The following GRK5 variants were observed in gnomAD, a reference collection of about 807,000 sequenced individuals.
GRK5 encodes G protein-coupled receptor kinase 5.
Under a neutral mutation model 78.4 loss-of-function variants are expected in GRK5, and 40 were observed. That is an observed-to-expected ratio of 0.51 (90% confidence interval 0.40 to 0.66). The LOEUF (loss-of-function observed/expected upper bound fraction) is 0.66, where lower values mean the gene tolerates loss of function less well. Among genes scored for constraint, GRK5 ranks in the 30% least tolerant of loss-of-function variants. The pLI is 0.00. For synonymous variants in GRK5, 289 were observed against 296.8 expected, an observed-to-expected ratio of 0.97 and a Z score of 0.27; for missense variants, 598 against 759.9, an observed-to-expected ratio of 0.79 and a Z score of 2.50.
intron 1 of GRK5, among the ~76,000 whole-genome samples, chr10:119,312,877 C>G (rs1191711422): frequency 8.8e-5 from 1 of 11,368 alleles, no homozygotes; most frequent in Admixed American, 1.1e-3. Context: ...TGTCCCTTGC[C>G]AGCTCTGTGT....
chr10:119,394,304 G>A (rs1160650700), intron 3 of GRK5, among the ~76,000 whole-genome samples: 50 of 4,084 alleles, frequency 0.012, no homozygotes, highest in Non-Finnish European at 0.026. Context: ...CTGTGTGTCT[G>A]TGTGGGCACG....
chr10:119,293,762 G>A lies in GRK5; in HGVS notation c.53-32754G>A, dbSNP rs556548997. Among the ~76,000 whole-genome samples, 10 of 152,134 alleles carry A rather than the reference G, an allele frequency of 6.6e-5. No homozygotes were observed. The East Asian group carries it at 1.9e-3, about 29-fold the overall frequency. On this transcript the variant is annotated intron_variant, in intron 1 of 15. Coordinates refer to ENST00000392870, the MANE Select transcript of GRK5 (RefSeq NM_005308.3). ...GCCCCGAGGCAGCAGTCAGTGCCAG[G>A]GTGGGGCTGGGTGGGTGCTGCCATC...
intron 1 of GRK5, among the ~76,000 whole-genome samples, chr10:119,305,344 G>A (rs1850257274): frequency 6.6e-6 from 1 of 152,198 alleles, no homozygotes; most frequent in Non-Finnish European, 1.5e-5. Flanking sequence ...CTTCTGGGGT[G>A]ACACCTCTGC....
chr10:119,227,160 T>C (rs547756920), intron 1 of GRK5, among the ~76,000 whole-genome samples: 2 of 152,306 alleles, frequency 1.3e-5, no homozygotes, highest in African/African-American at 4.8e-5. Flanking sequence ...CTGGCCTGCC[T>C]CTCTGTATCT....
Position 119,452,542 on chromosome 10 carries a change from T to A in GRK5, c.1405-129T>A. 9.2e-7 allele frequency: 1 copy of A among 1,084,252 alleles called. No individual in the cohort carries two copies. The highest frequency in any genetic ancestry group is 1.3e-6 in the Non-Finnish European group (1 of 758,980). The allele number at this position is 1,084,252 out of a possible 1,614,324, so 67.2% of individuals were successfully genotyped here. A position where few individuals can be genotyped will look rare whatever the true frequency, so the allele number is the denominator to read the frequency against. Reference sequence around the variant, plus strand: ...TCTGAGCCACACACCCTCCAGCCACTACCCATAGCAGTTCTGGGGGTGTGT... The same window carrying A: ...TCTGAGCCACACACCCTCCAGCCACAACCCATAGCAGTTCTGGGGGTGTGT... On this transcript the variant is annotated intron_variant, in intron 13 of 15. Transcript: ENST00000392870. The surrounding 1 kb of genome is among the most constrained non-coding windows in gnomAD (Gnocchi z 4.4).
intron 1 of GRK5, among the ~76,000 whole-genome samples, chr10:119,232,554 C>G (rs980210676): frequency 6.6e-6 from 1 of 152,118 alleles, no homozygotes; most frequent in Admixed American, 6.6e-5. Flanking sequence ...TGGGAGGGGC[C>G]CGTGGGAGGT....
At chr10:119,233,207 T>C (rs759985491) in intron 1 of GRK5, among the ~76,000 whole-genome samples, 6 of 152,188 alleles carry the variant, frequency 3.9e-5, no homozygotes, top group Non-Finnish European at 8.8e-5. Flanking sequence ...CCCCCTCTTC[T>C]TCTGGCAACA....
At chr10:119,383,146 C>T (rs1347511441) in intron 3 of GRK5, among the ~76,000 whole-genome samples, 1 of 152,206 alleles carries the variant, frequency 6.6e-6, no homozygotes, top group African/African-American at 2.4e-5. Flanking sequence ...TGGTCTCGAT[C>T]TCCTGACCTC....
intron 1 of GRK5, among the ~76,000 whole-genome samples, chr10:119,289,749 T>C (rs1375526575): frequency 6.6e-6 from 1 of 152,256 alleles, no homozygotes; most frequent in Non-Finnish European, 1.5e-5. Flanking sequence ...CCGGCTGAGC[T>C]ACCTCTGATC....
In GRK5 at chr10:119,266,120, A is replaced by G. The variant is rs117240916; in HGVS notation, c.52+58151A>G. On this transcript the variant is annotated intron_variant, in intron 1 of 15. Transcript: ENST00000392870. ...TGGGGAGTTTACTGGAGGAAGCTGC[A>G]GGCCTGGACTGTGCAGTCTGATTTC... Among the ~76,000 whole-genome samples the G allele has an allele frequency of 3.3e-5, 5 of 152,312 alleles. No individual in the cohort carries two copies. The East Asian group carries it at 9.6e-4, about 29-fold the overall frequency.
chr10:119,380,394 G>A (rs1851692714), intron 2 of GRK5, among the ~76,000 whole-genome samples: 1 of 152,216 alleles, frequency 6.6e-6, no homozygotes, highest in African/African-American at 2.4e-5. Flanking sequence ...ACCTCCAGAG[G>A]AAGAGAGCAC....
chr10:119,313,027 T>C (rs1202223635), intron 1 of GRK5, among the ~76,000 whole-genome samples: 10 of 151,672 alleles, frequency 6.6e-5, no homozygotes, highest in Non-Finnish European at 1.5e-4. Flanking sequence ...GTAGTGGTAA[T>C]GGCAGTGGTG....
intron 13 of GRK5, among the ~76,000 whole-genome samples, chr10:119,449,063 G>A (rs989638720): frequency 3.3e-5 from 5 of 152,180 alleles, no homozygotes; most frequent in African/African-American, 4.8e-5. Context: ...GGACTGGGCC[G>A]GGGACTATGG....
At chr10:119,316,512 C>T (rs535978509) in intron 1 of GRK5, among the ~76,000 whole-genome samples, 2 of 152,246 alleles carry the variant, frequency 1.3e-5, no homozygotes, top group Non-Finnish European at 2.9e-5. Flanking sequence ...GTCCCCAGGC[C>T]ACTGGCACTT....
chr10:119,254,979 C>T (rs976362447), intron 1 of GRK5, among the ~76,000 whole-genome samples: 1 of 143,078 alleles, frequency 7.0e-6, no homozygotes, highest in African/African-American at 2.6e-5. Context: ...TGCTTTAACC[C>T]AGGAAGCCGA....
chr10:119,340,227 A>G (rs1455014771), intron 2 of GRK5, among the ~76,000 whole-genome samples: 1 of 152,116 alleles, frequency 6.6e-6, no homozygotes, highest in African/African-American at 2.4e-5. Context: ...CCTGGGTTCA[A>G]ATGATTCTCA....
intron 2 of GRK5, among the ~76,000 whole-genome samples, chr10:119,368,874 G>A (rs1444110281): frequency 6.6e-6 from 1 of 152,242 alleles, no homozygotes; most frequent in Non-Finnish European, 1.5e-5. Flanking sequence ...CTTAGGCACA[G>A]CCCTCATCAT....
At chr10:119,442,350 T>C (rs1016128409) in intron 11 of GRK5, among the ~76,000 whole-genome samples, 6 of 152,096 alleles carry the variant, frequency 3.9e-5, no homozygotes, top group African/African-American at 1.2e-4. Flanking sequence ...GCCAAGCCAC[T>C]CTTAGGGGTC....
At chr10:119,450,217 G>T (rs1414931043) in intron 13 of GRK5, among the ~76,000 whole-genome samples, 1 of 152,170 alleles carries the variant, frequency 6.6e-6, no homozygotes, top group Non-Finnish European at 1.5e-5. Context: ...CAGACTGGGG[G>T]TGTGGCAAAG....
Sources: gnomAD v4.1 joint callset for allele counts (sites outside exome capture counted in the v4.1 genomes callset) on GRCh38, gnomAD v4.1.1 for gene constraint, Gnocchi (gnomAD v3.1) non-coding constraint, MANE v1.5 for transcripts, NCBI Gene and HGNC (gene_info 2026-07-23, HGNC 2026-07-21) for gene names.